The following NEMF variants were observed in gnomAD, a reference collection of about 807,000 sequenced individuals.
NEMF encodes the protein nuclear export mediator factor, also known as ribosome quality control complex subunit NEMF.
In NEMF, 89 loss-of-function variants were observed where a neutral mutation model predicts 162.2. The ratio of observed to expected loss-of-function variants is 0.55; its 90% CI spans 0.46 to 0.65. The LOEUF (loss-of-function observed/expected upper bound fraction) is 0.65. Ranked by LOEUF, NEMF falls within the 30% of genes least tolerant of loss-of-function variation. The pLI, the probability that NEMF is intolerant of heterozygous loss-of-function variation, is 0.00. For missense variants in NEMF, 1,133 were observed against 1,261.9 expected (o/e 0.90, Z 1.55); for synonymous variants, 421 against 404.5 (o/e 1.04, Z -0.49).
chr14:49,782,303 T>G lies in NEMF; in HGVS notation c.*2333A>C. The G allele has an allele frequency of 1.0e-6, 1 of 965,374 alleles. No individual in the cohort carries two copies. Among genetic ancestry groups the G allele is most frequent in the South Asian group, 1.5e-5 (1 of 68,902 alleles). The allele number at this position is 965,374 out of a possible 1,614,324, so 59.8% of individuals were successfully genotyped here. Reference sequence around the variant, plus strand: ...CGCTAGTCTTTATTTCATAGCTCTATTCTGTAGTATAAAATGGCCAACTGG... The same window carrying G: ...CGCTAGTCTTTATTTCATAGCTCTAGTCTGTAGTATAAAATGGCCAACTGG... On this transcript the variant is annotated 3_prime_UTR_variant, in exon 33 of 33. Transcript: ENST00000298310.
chr14:49,803,710 G>C (rs4390511), intron 19 of NEMF, among the ~76,000 whole-genome samples: 2,482 of 152,026 alleles, frequency 0.016, 62 homozygotes, highest in African/African-American at 0.056. Flanking sequence ...ATTTTTAGTA[G>C]AGACGGGGTT....
At chr14:49,802,846 T>C in intron 20 of NEMF, 119 bp from the exon 21 acceptor site, 1 of 710,584 alleles carries the variant, frequency 1.4e-6, no homozygotes, top group South Asian at 1.8e-5. Context: ...TGTCTTTTAC[T>C]ATGTCAAGAA....
intron 4 of NEMF, among the ~76,000 whole-genome samples, chr14:49,843,417 C>T (rs553010961): frequency 1.6e-4 from 24 of 152,168 alleles, no homozygotes; most frequent in African/African-American, 5.8e-4. Context: ...TCACTTGAGC[C>T]CAGGAGGCCG....
At chr14:49,807,710 C>G (rs1242086159) in intron 18 of NEMF, among the ~76,000 whole-genome samples, 1 of 151,384 alleles carries the variant, frequency 6.6e-6, no homozygotes, top group Non-Finnish European at 1.5e-5. Flanking sequence ...TCTCCTGCCT[C>G]AGCCTCCTGA....
At position 49,833,410 on chromosome 14, in the gene NEMF, T is replaced by C; in HGVS notation, c.735+13A>G. ...AAATCACAACAATATATAGTAAGTA[T>C]ACATGGTGCTACCTTCCCACTGAAG... On this transcript the variant is annotated intron_variant, in intron 8 of 32. Transcript: ENST00000298310. 6.5e-7 allele frequency: 1 copy of C among 1,527,670 alleles called. No individual in the cohort carries two copies. Among genetic ancestry groups the C allele is most frequent in the African/African-American group, 1.4e-5 (1 of 73,302 alleles). 94.6% of individuals were successfully genotyped at this position (1,527,670 alleles called of 1,614,324 possible). A position where few individuals can be genotyped will look rare whatever the true frequency, so the allele number is the denominator to read the frequency against.
chr14:49,799,059 T>C (rs1890824348), intron 25 of NEMF, among the ~76,000 whole-genome samples: 1 of 150,578 alleles, frequency 6.6e-6, no homozygotes, highest in Non-Finnish European at 1.5e-5. Context: ...ACAAAAACTA[T>C]AAAAATTTTT....
At position 49,789,162 on chromosome 14, in the gene NEMF, T is replaced by C; in HGVS notation, c.2879A>G (p.Asp960Gly). The C allele has an allele frequency of 6.2e-7, 1 of 1,613,724 alleles. No homozygotes were observed. Among genetic ancestry groups the C allele is most frequent in the South Asian group, 1.1e-5 (1 of 90,874 alleles). ...TAGCCATACCTTGTCATCATGTGGA[T>C]CATCTACAGCAAAGTCTTGTAACTC... ...THELQDFAVD[D>G]PHDDKEEQDL... Residue 960 changes from aspartate to glycine, a missense_variant, in exon 28 of 33, where the codon GAT (aspartate) becomes GGT (glycine). Asp to Gly is a moderately conservative substitution (Grantham distance 94, BLOSUM62 -1). Transcript: ENST00000298310.
intron 28 of NEMF, 127 bp downstream of exon 28, chr14:49,789,019 A>G (rs1890317710): frequency 1.4e-6 from 1 of 729,958 alleles, no homozygotes; most frequent in Non-Finnish European, 2.4e-6. Context: ...GTATTTCTGG[A>G]TGACATTCCA....
intron 18 of NEMF, among the ~76,000 whole-genome samples, chr14:49,813,415 ATTTAG>A (rs1388525001): frequency 6.6e-6 from 1 of 152,132 alleles, no homozygotes; most frequent in Admixed American, 6.5e-5. Context: ...TGTCTGTTAG[ATTTAG>A]TTTACAGTGT....
intron 3 of NEMF, among the ~76,000 whole-genome samples, chr14:49,848,599 G>A (rs1322232721): frequency 1.3e-5 from 2 of 152,110 alleles, no homozygotes; most frequent in African/African-American, 4.8e-5. Context: ...CACTCTGGGA[G>A]GCCGAGGCAG....
intron 4 of NEMF, among the ~76,000 whole-genome samples, chr14:49,843,505 A>G (rs1893318404): frequency 6.6e-6 from 1 of 152,182 alleles, no homozygotes; most frequent in African/African-American, 2.4e-5. Flanking sequence ...AAAAAATAAA[A>G]AATATTGCAT....
chr14:49,785,029 A>G (rs751431337), intron 31 of NEMF, 25 bp from the exon 32 acceptor site: 17 of 1,608,684 alleles, frequency 1.1e-5, no homozygotes, highest in Middle Eastern at 3.3e-4. Flanking sequence ...AAGAGTAAGA[A>G]TAATCTACTG....
At chr14:49,820,936 T>C (rs1891979822) in intron 16 of NEMF, among the ~76,000 whole-genome samples, 1 of 151,254 alleles carries the variant, frequency 6.6e-6, no homozygotes, top group Non-Finnish European at 1.5e-5. Flanking sequence ...ACCTGGGAAG[T>C]GAGGAGCGCC....
chr14:49,851,913 T>A, intron 1 of NEMF, 38 bp from the exon 2 acceptor site: 1 of 1,236,362 alleles, frequency 8.1e-7, no homozygotes, highest in Non-Finnish European at 1.2e-6. Context: ...TGTTACACTA[T>A]TGTCTGAAAC....
intron 4 of NEMF, among the ~76,000 whole-genome samples, chr14:49,841,655 C>T (rs1360418356): frequency 1.3e-5 from 2 of 150,308 alleles, no homozygotes; most frequent in African/African-American, 4.9e-5. Context: ...GAACATATTA[C>T]ACTTCCACCT....
Position 49,782,891 on chromosome 14 carries a change from C to T in NEMF, c.*1745G>A. On this transcript the variant is annotated 3_prime_UTR_variant, in exon 33 of 33. Coordinates refer to ENST00000298310, the MANE Select transcript of NEMF (RefSeq NM_004713.6). ...GTTAGCCAACTCATGGAACTGCCTTCCAAAACACTTACTTCACAGTGTTAA... is the reference window on the plus strand; with the variant it reads ...GTTAGCCAACTCATGGAACTGCCTTTCAAAACACTTACTTCACAGTGTTAA... The T allele has an allele frequency of 5.0e-6, 8 of 1,613,722 alleles. No homozygotes were observed. Among genetic ancestry groups the T allele is most frequent in the Non-Finnish European group, 6.8e-6 (8 of 1,179,712 alleles).
rs117366307 is a variant in NEMF, at chr14:49,809,904, C to T, written c.1745-3771G>A. Reference sequence around the variant, plus strand: ...CTAATGCAAACTATGGACTCTGGGCCATAATGATGTGTCAATGTAGGTTCA... The same window carrying T: ...CTAATGCAAACTATGGACTCTGGGCTATAATGATGTGTCAATGTAGGTTCA... On this transcript the variant is annotated intron_variant, in intron 18 of 32. Coordinates refer to ENST00000298310, the MANE Select transcript of NEMF (RefSeq NM_004713.6). 5.4e-4 allele frequency among the ~76,000 whole-genome samples: 82 copies of T among 151,814 alleles called. 1 individual carries two copies. In the East Asian group the frequency reaches 0.013, roughly 24 times the overall value.
chr14:49,834,566 C>T (rs538072304), intron 6 of NEMF, 117 bp from the exon 7 acceptor site: 98 of 640,608 alleles, frequency 1.5e-4, no homozygotes, highest in African/African-American at 1.4e-3. Flanking sequence ...GCAATCTTGG[C>T]TCACTGCAAC....
intron 23 of NEMF, among the ~76,000 whole-genome samples, chr14:49,799,919 G>A (rs970736399): frequency 1.3e-5 from 2 of 152,084 alleles, no homozygotes; most frequent in African/African-American, 4.8e-5. Flanking sequence ...TGGTATACAC[G>A]CATGAAACCT....
Sources: allele counts gnomAD v4.1 joint callset (sites outside exome capture counted in the v4.1 genomes callset), GRCh38; gene constraint gnomAD v4.1.1; transcripts MANE v1.5; gene names NCBI Gene and HGNC (gene_info 2026-07-23, HGNC 2026-07-21).